The following POLK variants were observed in gnomAD, a reference collection of about 807,000 sequenced individuals.
The protein encoded by POLK is polymerase (DNA directed) kappa.
POLK carries 76 observed loss-of-function variants against 94.0 expected under a neutral mutation model. The observed-to-expected ratio is 0.81, with a 90% CI of 0.67 to 0.98. POLK has a LOEUF of 0.98. POLK is among the 50% of genes least tolerant of loss of function. POLK has a pLI of 0.00. For synonymous variants in POLK, 349 were observed against 325.4 expected (o/e 1.07, Z -0.78); for missense variants, 954 against 1,010.1 (o/e 0.94, Z 0.75).
intron 3 of POLK, chr5:75,568,900 G>A (rs1771429571): frequency 4.7e-6 from 1 of 214,250 alleles, no homozygotes; most frequent in South Asian, 5.9e-5. Context: ...GTTATAGTGA[G>A]TTGGACTCCA....
At chr5:75,548,585 T>C (rs562407693) in intron 2 of POLK, among the ~76,000 whole-genome samples, 1 of 151,230 alleles carries the variant, frequency 6.6e-6, no homozygotes, top group East Asian at 1.9e-4. Flanking sequence ...TGTATATTAA[T>C]AAACACAATA....
Position 75,595,248 on chromosome 5 carries a change from G to GAAA in POLK, c.1529-951_1529-949dup, listed in dbSNP as rs58783164. 6.4e-3 allele frequency among the ~76,000 whole-genome samples: 160 copies of GAAA among 24,852 alleles called. 23 individuals are homozygous for GAAA. Among genetic ancestry groups the GAAA allele is most frequent in the African/African-American group, 0.015 (141 of 9,166 alleles). 16.3% of individuals were successfully genotyped at this position (24,852 alleles called of 152,430 possible). A position where few individuals can be genotyped will look rare whatever the true frequency, so the allele number is the denominator to read the frequency against. On this transcript the variant is annotated intron_variant, in intron 12 of 14. Coordinates refer to ENST00000241436, the Ensembl canonical transcript of POLK. Reference sequence around the variant, plus strand: ...GCAACAAGAGTGAAACTCCACCTCAGAAAAAAAAAAAAAAAAAAAAAAAAA... The same window carrying GAAA: ...GCAACAAGAGTGAAACTCCACCTCAGAAAAAAAAAAAAAAAAAAAAAAAAAAAA...
chr5:75,583,825 G>A (rs890267381), intron 8 of POLK, among the ~76,000 whole-genome samples: 3 of 151,866 alleles, frequency 2.0e-5, no homozygotes, highest in African/African-American at 7.2e-5. Context: ...AAAATATTTT[G>A]CCATTTTTAA....
intron 1 of POLK, among the ~76,000 whole-genome samples, chr5:75,546,206 A>G (rs1419141173): frequency 6.6e-6 from 1 of 152,244 alleles, no homozygotes; most frequent in East Asian, 1.9e-4. Context: ...TGTATGTTAT[A>G]TTTGTTCTGT....
rs1773158632 is a variant in POLK at position 75,597,567 on chromosome 5, T to G, written c.2486-180T>G. ...CCCAAATTTCACCAATAAAATTAAG[T>G]GTAATGCTAATAAAATTAGTAAATT... On this transcript the variant is annotated intron_variant, in intron 13 of 14. Coordinates refer to ENST00000241436, the Ensembl canonical transcript of POLK. 5 of 437,730 alleles carry G rather than the reference T, an allele frequency of 1.1e-5. No individual in the cohort carries two copies. The East Asian group carries it at 1.8e-4, about 15-fold the overall frequency. 27.1% of individuals were successfully genotyped at this position (437,730 alleles called of 1,614,324 possible).
At chr5:75,593,781 T>C (rs1772914041) in intron 11 of POLK, 97 bp from the exon 12 acceptor site, 1 of 619,410 alleles carries the variant, frequency 1.6e-6, no homozygotes, top group African/African-American at 1.9e-5. Context: ...AGTTGAAGGC[T>C]GCAGTGAGCT....
chr5:75,570,253 A>T (rs192405176), intron 4 of POLK, among the ~76,000 whole-genome samples: 1 of 152,204 alleles, frequency 6.6e-6, no homozygotes, highest in Admixed American at 6.5e-5. Flanking sequence ...CCAAAGTTAC[A>T]AACCTAATAA....
Position 75,596,559 on chromosome 5 carries a change from T to TA in POLK, c.1867dup (p.Thr623AsnfsTer7), listed in dbSNP as rs775756038. The TA allele has an allele frequency of 6.2e-7, 1 of 1,613,708 alleles. No individual in the cohort carries two copies. The highest frequency in any genetic ancestry group is 8.5e-7 in the Non-Finnish European group (1 of 1,179,820). ...AGAATTCAGATGACTGTCAGATACT[T>TA]ACCTGTCCTGTTTGCTTTAGGGCTC... On this transcript the variant is annotated frameshift_variant, in exon 13 of 15. Transcript: ENST00000241436. LOFTEE classifies it high-confidence loss of function.
At chr5:75,523,126 A>G (rs1768664406) in intron 1 of POLK, among the ~76,000 whole-genome samples, 1 of 152,206 alleles carries the variant, frequency 6.6e-6, no homozygotes, top group Non-Finnish European at 1.5e-5. Context: ...TCTTTATCTT[A>G]AAGGTCAAAG....
intron 5 of POLK, among the ~76,000 whole-genome samples, chr5:75,575,687 T>C (rs1475491196): frequency 1.4e-4 from 21 of 152,180 alleles, no homozygotes; most frequent in Non-Finnish European, 1.5e-4. Flanking sequence ...AAGATTCTAT[T>C]TGAGCACATT....
intron 1 of POLK, chr5:75,534,970 T>G (rs1769375236): frequency 6.6e-6 from 1 of 152,246 alleles, no homozygotes; most frequent in Non-Finnish European, 1.5e-5. Flanking sequence ...TCAAGGTTAG[T>G]ATTGATGTGT....
At chr5:75,545,291 A>G (rs1384027891) in intron 1 of POLK, among the ~76,000 whole-genome samples, 2 of 152,216 alleles carry the variant, frequency 1.3e-5, no homozygotes, top group African/African-American at 4.8e-5. Context: ...AATCATACAA[A>G]TAAGTCACAA....
intron 3 of POLK, among the ~76,000 whole-genome samples, chr5:75,560,203 T>C (rs1047790041): frequency 6.6e-6 from 1 of 152,224 alleles, no homozygotes; most frequent in Non-Finnish European, 1.5e-5. Context: ...ACAATAATTA[T>C]GATCTCAGAA....
At chr5:75,537,488 T>G (rs1319975688) in intron 1 of POLK, among the ~76,000 whole-genome samples, 3 of 152,226 alleles carry the variant, frequency 2.0e-5, no homozygotes, top group Admixed American at 6.5e-5. Context: ...GATCTCAACG[T>G]TGTTTCTCAG....
intron 1 of POLK, among the ~76,000 whole-genome samples, chr5:75,532,826 C>G (rs1356760290): frequency 1.3e-5 from 2 of 152,168 alleles, no homozygotes; most frequent in Non-Finnish European, 2.9e-5. Flanking sequence ...TTGCAGTTCT[C>G]TAATGATAAG....
chr5:75,548,698 A>G (rs940078543), intron 2 of POLK, among the ~76,000 whole-genome samples: 1 of 151,966 alleles, frequency 6.6e-6, no homozygotes, highest in African/African-American at 2.4e-5. Context: ...AAAATGGTTT[A>G]GCCAAAAGGA....
intron 9 of POLK, among the ~76,000 whole-genome samples, chr5:75,585,459 T>C (rs1772419385): frequency 6.6e-6 from 1 of 151,850 alleles, no homozygotes; most frequent in African/African-American, 2.4e-5. Context: ...AGATAGAAAA[T>C]AACCAAATAA....
intron 1 of POLK, among the ~76,000 whole-genome samples, chr5:75,516,358 G>C (rs1445753429): frequency 6.6e-6 from 1 of 152,100 alleles, no homozygotes; most frequent in Non-Finnish European, 1.5e-5. Flanking sequence ...CTGAGGCAGA[G>C]GATTGCTTGA....
chr5:75,593,388 T>C (rs775145534), intron 11 of POLK, among the ~76,000 whole-genome samples: 1 of 152,224 alleles, frequency 6.6e-6, no homozygotes, highest in Non-Finnish European at 1.5e-5. Flanking sequence ...CCCAAAATGC[T>C]GGGATTACAG....
Sources: gnomAD v4.1 joint callset for allele counts (sites outside exome capture counted in the v4.1 genomes callset) on GRCh38, gnomAD v4.1.1 for gene constraint, MANE v1.5 for transcripts, NCBI Gene and HGNC (gene_info 2026-07-23, HGNC 2026-07-21) for gene names.